MLPH: variants seen among roughly 807,000 people sequenced by gnomAD.
The protein encoded by MLPH is melanophilin, also known as exophilin-3.
MLPH carries 51 observed loss-of-function variants against 72.1 expected under a neutral mutation model. That is an observed-to-expected ratio of 0.71 (90% CI 0.56 to 0.89). The LOEUF is 0.89. Ranked by LOEUF, MLPH falls within the 40% of genes least tolerant of loss-of-function variation. MLPH has a pLI of 0.00. For missense variants in MLPH, 743 were observed against 759.9 expected (o/e 0.98, Z 0.26); for synonymous variants, 301 against 310.1 (o/e 0.97, Z 0.31).
chr2:237,542,322 G>A (rs376006616), intron 11 of MLPH, among the ~76,000 whole-genome samples: 5 of 152,046 alleles, frequency 3.3e-5, no homozygotes, highest in South Asian at 4.1e-4. Flanking sequence ...AAATGCACCC[G>A]TCCTGCGTTC....
intron 14 of MLPH, among the ~76,000 whole-genome samples, chr2:237,550,828 C>A (rs538711827): frequency 6.6e-6 from 1 of 152,110 alleles, no homozygotes; most frequent in African/African-American, 2.4e-5. Flanking sequence ...GGATTACAGG[C>A]GTGAGCCACC....
At position 237,510,883 on chromosome 2, in the gene MLPH, G is replaced by A. The variant is rs1015307355; in HGVS notation, c.332+88G>A. The stretch of plus-strand genomic sequence containing the variant: ...TGGGGCTAGCTGAAGAAGGGTGGAC[G>A]CACACATGCACACACTCGTGTGTGT... On this transcript the variant is annotated intron_variant, in intron 3 of 15. Coordinates refer to ENST00000264605, the MANE Select transcript of MLPH (RefSeq NM_024101.7). This position sits in a 1 kb window ranked among gnomAD's most constrained non-coding sequence, Gnocchi z 4.4. 1.2e-5 allele frequency: 18 copies of A among 1,512,998 alleles called. No homozygotes were observed. The highest frequency in any genetic ancestry group is 4.3e-5 in the African/African-American group (3 of 69,572). 93.7% of individuals were successfully genotyped at this position (1,512,998 alleles called of 1,614,324 possible).
At chr2:237,550,259 C>T (rs1277770647) in intron 14 of MLPH, among the ~76,000 whole-genome samples, 1 of 152,224 alleles carries the variant, frequency 6.6e-6, no homozygotes, top group African/African-American at 2.4e-5. Flanking sequence ...GCACATCAAT[C>T]CCTCTTTCCA....
intron 8 of MLPH, among the ~76,000 whole-genome samples, chr2:237,529,613 A>G (rs148525348): frequency 1.3e-5 from 2 of 152,346 alleles, no homozygotes; most frequent in African/African-American, 4.8e-5. Flanking sequence ...AATGAAAGAC[A>G]CAGGCTATTA....
chr2:237,525,895 C>T lies in MLPH; in HGVS notation c.880+90C>T, dbSNP rs2080294683. 3.1e-6 allele frequency: 4 copies of T among 1,274,284 alleles called. No homozygotes were observed. The South Asian group carries it at 5.0e-5, about 16-fold the overall frequency. 78.9% of individuals were successfully genotyped at this position (1,274,284 alleles called of 1,614,324 possible). On this transcript the variant is annotated intron_variant, in intron 7 of 15. Transcript: ENST00000264605. ...AACCCCACCACCCTGACCTATCCAA[C>T]ACACGGGCTGATTTGAAAGGCCCCT... is the stretch of plus-strand genomic sequence containing the variant.
intron 8 of MLPH, among the ~76,000 whole-genome samples, chr2:237,530,447 G>A (rs1033799428): frequency 6.6e-6 from 1 of 152,194 alleles, no homozygotes; most frequent in Non-Finnish European, 1.5e-5. Flanking sequence ...AGGGGTTTGG[G>A]TTCTAAAATT....
Position 237,510,375 on chromosome 2 carries a change from C to A in MLPH, c.111-199C>A. 1 of 646,066 alleles carries A rather than the reference C, an allele frequency of 1.5e-6. No homozygotes were observed. The allele number at this position is 646,066 out of a possible 1,614,324, so 40.0% of individuals were successfully genotyped here. On this transcript the variant is annotated intron_variant, in intron 2 of 15. Coordinates refer to ENST00000264605, the MANE Select transcript of MLPH (RefSeq NM_024101.7). This position sits in a 1 kb window ranked among gnomAD's most constrained non-coding sequence, Gnocchi z 4.4. ...TTCCATTCCAGCCACCAAAATTGCC[C>A]GTTTGAGCTCAGCCCTCAAAACAAA... is the stretch of plus-strand genomic sequence containing the variant.
In MLPH at chr2:237,540,387, G is replaced by T. The variant is rs757199037; in HGVS notation, c.1144G>T (p.Glu382Ter). The change falls in exon 10 of 16, where the codon GAG (glutamate) becomes TAG (stop). Residue 382 changes from glutamate (E) to a stop codon, truncating the protein, a stop_gained. Transcript: ENST00000264605. LOFTEE classifies it high-confidence loss of function. ...AGTGCGCACGGAGGCCGATGTAGAG[G>T]AGGAGGCCCTGAGGAGGAAGCTGGA... is the stretch of plus-strand genomic sequence containing the variant. ...AGVRTEADVE[E>*]EALRRKLEEL... 3 of 1,613,288 alleles carry T rather than the reference G, an allele frequency of 1.9e-6. No homozygotes were observed. Among genetic ancestry groups the T allele is most frequent in the Non-Finnish European group, 2.5e-6 (3 of 1,180,004 alleles).
intron 1 of MLPH, 142 bp from the exon 2 acceptor site, chr2:237,493,261 C>T (rs190676190): frequency 7.8e-6 from 5 of 637,932 alleles, no homozygotes; most frequent in South Asian, 3.4e-5. Context: ...AGTTTCCAGA[C>T]AAGCATTAGA....
chr2:237,494,690 G>A (rs926714969), intron 2 of MLPH, among the ~76,000 whole-genome samples: 1 of 152,180 alleles, frequency 6.6e-6, no homozygotes. Context: ...CTGCTGGGGA[G>A]GCCACAGATG....
At chr2:237,516,597 C>G (rs2080023125) in intron 4 of MLPH, among the ~76,000 whole-genome samples, 1 of 152,230 alleles carries the variant, frequency 6.6e-6, no homozygotes, top group Admixed American at 6.5e-5. Flanking sequence ...ATGGTCAGAC[C>G]TGTTGGTAAC....
At chr2:237,538,652 G>C (rs13383648) in intron 9 of MLPH, among the ~76,000 whole-genome samples, 41,153 of 152,114 alleles carry the variant, frequency 0.27, 8,252 homozygotes, top group African/African-American at 0.55. Flanking sequence ...CTTTCCTCCA[G>C]GGATGAAATC....
rs57772274 is a variant in MLPH at position 237,541,494 on chromosome 2, C to T, written c.1446+537C>T. Among the ~76,000 whole-genome samples the T allele has an allele frequency of 0.093, 14,203 of 152,206 alleles. 1,487 individuals carry two copies. Among genetic ancestry groups the T allele is most frequent in the African/African-American group, 0.26 (10,861 of 41,484 alleles). On this transcript the variant is annotated intron_variant, in intron 11 of 15. Coordinates refer to ENST00000264605, the MANE Select transcript of MLPH (RefSeq NM_024101.7). This position sits in a 1 kb window ranked among gnomAD's most constrained non-coding sequence, Gnocchi z 5.1. Reference sequence around the variant, plus strand: ...GACCTACAGAGAGGAGAGGGGGTGCCTCTCGGACTGTGAGGACAGCCAGCC... The same window carrying T: ...GACCTACAGAGAGGAGAGGGGGTGCTTCTCGGACTGTGAGGACAGCCAGCC...
In MLPH at chr2:237,534,626, A is replaced by G. The variant is rs745513462; in HGVS notation, c.1083A>G (p.Thr361=). 6.2e-7 allele frequency: 1 copy of G among 1,613,942 alleles called. No homozygotes were observed. Among genetic ancestry groups the G allele is most frequent in the Non-Finnish European group, 8.5e-7 (1 of 1,179,886 alleles). ...GCCTGCTGACCTACCTGGAGAACAC[A>G]GTTGTGCCTCCCTTGGCCAAGGTAA... ...VECLLTYLEN[T]VVPPLAKGLG... Residue 361 remains threonine (T), a synonymous_variant, in exon 9 of 16, where the codon ACA becomes ACG. Transcript: ENST00000264605.
intron 1 of MLPH, among the ~76,000 whole-genome samples, chr2:237,488,269 T>G (rs1574822542): frequency 6.6e-6 from 1 of 152,166 alleles, no homozygotes; most frequent in African/African-American, 2.4e-5. Context: ...AGGCCAGCAT[T>G]GCTGGGGGCT....
intron 7 of MLPH, among the ~76,000 whole-genome samples, chr2:237,526,654 T>A (rs570729672): frequency 6.6e-6 from 1 of 152,306 alleles, no homozygotes; most frequent in Admixed American, 6.5e-5. Flanking sequence ...GAGGCCATCG[T>A]GCTGGGAGAG....
intron 2 of MLPH, among the ~76,000 whole-genome samples, chr2:237,501,066 C>T (rs1252782356): frequency 1.3e-5 from 2 of 152,154 alleles, no homozygotes; most frequent in African/African-American, 2.4e-5. Flanking sequence ...CTCACCCCTG[C>T]TCACCGTGGG....
chr2:237,519,771 GA>G (rs1218378174), intron 5 of MLPH, 138 bp from the exon 6 acceptor site: 1 of 1,234,692 alleles, frequency 8.1e-7, no homozygotes, highest in Non-Finnish European at 1.2e-6. Context: ...GTTCCTAGTG[GA>G]GGGGGTGGAT....
chr2:237,508,121 C>CT (rs142992421), intron 2 of MLPH, among the ~76,000 whole-genome samples: 10,245 of 151,736 alleles, frequency 0.068, 981 homozygotes, highest in African/African-American at 0.21. Flanking sequence ...ATTTCTTTTT[C>CT]TTTTTTTTGA....
Sources: gnomAD v4.1 joint callset for allele counts (sites outside exome capture counted in the v4.1 genomes callset) on GRCh38, gnomAD v4.1.1 for gene constraint, Gnocchi (gnomAD v3.1) non-coding constraint, MANE v1.5 for transcripts, NCBI Gene and HGNC (gene_info 2026-07-23, HGNC 2026-07-21) for gene names.